BLMH: variants seen among roughly 807,000 people sequenced by gnomAD.
The protein encoded by BLMH is BLM hydrolase.
Under a neutral mutation model 61.6 loss-of-function variants are expected in BLMH, and 32 were observed. The observed-to-expected ratio is 0.52, with a 90% CI of 0.39 to 0.70. BLMH has a LOEUF of 0.70. Among genes scored for constraint, BLMH ranks in the 30% least tolerant of loss-of-function variants. The pLI, the probability that BLMH is intolerant of heterozygous loss-of-function variation, is 0.00. For synonymous variants in BLMH, 183 were observed against 193.8 expected (o/e 0.94, Z 0.46); for missense variants, 460 against 555.5 (o/e 0.83, Z 1.73).
At chr17:30,278,349 A>C (rs1468893257) in intron 6 of BLMH, among the ~76,000 whole-genome samples, 1 of 152,256 alleles carries the variant, frequency 6.6e-6, no homozygotes, top group Non-Finnish European at 1.5e-5. Flanking sequence ...AAATAAGAGT[A>C]CAACCATATC....
chr17:30,253,087 C>T (rs145659898), intron 11 of BLMH, among the ~76,000 whole-genome samples: 1 of 152,312 alleles, frequency 6.6e-6, no homozygotes, highest in East Asian at 1.9e-4. Flanking sequence ...CTGTTTGAGA[C>T]ATTAGTCGTC....
chr17:30,290,144 T>C (rs1426364676), intron 2 of BLMH, among the ~76,000 whole-genome samples: 3 of 152,256 alleles, frequency 2.0e-5, no homozygotes. Context: ...AGTTCGTCTT[T>C]ACCTTACATT....
chr17:30,268,367 A>C (rs977907259), intron 10 of BLMH, among the ~76,000 whole-genome samples: 1 of 152,180 alleles, frequency 6.6e-6, no homozygotes, highest in Non-Finnish European at 1.5e-5. Flanking sequence ...CAGCAACAAA[A>C]GAAAGAAAAT....
At chr17:30,267,443 C>CT (rs1313839362) in intron 10 of BLMH, among the ~76,000 whole-genome samples, 1 of 152,178 alleles carries the variant, frequency 6.6e-6, no homozygotes, top group Non-Finnish European at 1.5e-5. Flanking sequence ...ACTCATCATA[C>CT]TGCCTGATTT....
At position 30,257,341 on chromosome 17, in the gene BLMH, C is replaced by T. The variant is rs561328064; in HGVS notation, c.1217-8173G>A. 2.4e-3 allele frequency among the ~76,000 whole-genome samples: 362 copies of T among 152,176 alleles called. 2 individuals are homozygous for T. Among genetic ancestry groups the T allele is most frequent in the Middle Eastern group, 6.8e-3 (2 of 294 alleles). On this transcript the variant is annotated intron_variant, in intron 11 of 11. Transcript: ENST00000261714. Reference sequence around the variant, plus strand: ...CTGATGTACTGATAAGGAAATGTCCCCAAGATACGCTGTAAGTGAAGTGAG... The same window carrying T: ...CTGATGTACTGATAAGGAAATGTCCTCAAGATACGCTGTAAGTGAAGTGAG...
intron 11 of BLMH, among the ~76,000 whole-genome samples, chr17:30,262,556 A>G (rs975284744): frequency 1.2e-4 from 18 of 152,190 alleles, no homozygotes; most frequent in African/African-American, 3.6e-4. Context: ...GCACTTTGGG[A>G]GGCCGAGGTG....
chr17:30,281,274 CT>C (rs1394633304), intron 6 of BLMH, among the ~76,000 whole-genome samples: 1 of 151,956 alleles, frequency 6.6e-6, no homozygotes, highest in Non-Finnish European at 1.5e-5. Flanking sequence ...AAATAATGAT[CT>C]TGAGATTACT....
chr17:30,273,029 T>A, intron 7 of BLMH, 130 bp from the exon 8 acceptor site: 1 of 1,007,628 alleles, frequency 9.9e-7, no homozygotes, highest in Non-Finnish European at 1.5e-6. Context: ...TACAGCCACA[T>A]TGTTAAGTAA....
At chr17:30,268,184 C>T (rs774284087) in intron 10 of BLMH, among the ~76,000 whole-genome samples, 4 of 152,256 alleles carry the variant, frequency 2.6e-5, no homozygotes, top group East Asian at 1.9e-4. Context: ...CTGTTAGAAT[C>T]GATGTCACCT....
rs561717341 is a variant in BLMH, at chr17:30,285,106, T to A, written c.645+282A>T. ...CAGTGACTATGTCTTTCTCATCTGT[T>A]TCCTCAGTGCCAAACTCATAGAAGG... On this transcript the variant is annotated intron_variant, in intron 6 of 11. Transcript: ENST00000261714. Among the ~76,000 whole-genome samples the A allele has an allele frequency of 4.7e-4, 72 of 152,330 alleles. 1 individual carries two copies. Among genetic ancestry groups the A allele is most frequent in the African/African-American group, 1.7e-3 (71 of 41,566 alleles).
rs531841262 is a variant in BLMH, at chr17:30,283,518, C to CTTTT, written c.645+1866_645+1869dup. ...ACCTTCATTCCTACTATACCTCCAT[C>CTTTT]TTTTTTTTTTTTTTTTTTTTTGGAG... is the stretch of plus-strand genomic sequence containing the variant. On this transcript the variant is annotated intron_variant, in intron 6 of 11. Coordinates refer to ENST00000261714, the MANE Select transcript of BLMH (RefSeq NM_000386.4). Among the ~76,000 whole-genome samples, 8 of 127,044 alleles carry CTTTT rather than the reference C, an allele frequency of 6.3e-5. 1 individual carries two copies. Among genetic ancestry groups the CTTTT allele is most frequent in the African/African-American group, 1.2e-4 (4 of 32,352 alleles). The allele number at this position is 127,044 out of a possible 152,430, so 83.3% of individuals were successfully genotyped here.
rs1908356525 is a variant in BLMH, at chr17:30,274,208, G to A, written c.646-11C>T. The A allele has an allele frequency of 6.2e-7, 1 of 1,612,116 alleles. No homozygotes were observed. Among genetic ancestry groups the A allele is most frequent in the African/African-American group, 1.3e-5 (1 of 74,956 alleles). ...CACCACTCGGAATATCTGGAAGAGAGGAGGAGGAAAGGCGAGCAATGGTTA... is the reference window on the plus strand; with the variant it reads ...CACCACTCGGAATATCTGGAAGAGAAGAGGAGGAAAGGCGAGCAATGGTTA... On this transcript the variant is annotated splice_polypyrimidine_tract_variant and intron_variant, in intron 6 of 11. Coordinates refer to ENST00000261714, the MANE Select transcript of BLMH (RefSeq NM_000386.4).
chr17:30,269,308 G>C (rs1419455163), intron 10 of BLMH, among the ~76,000 whole-genome samples: 1 of 150,688 alleles, frequency 6.6e-6, no homozygotes, highest in Non-Finnish European at 1.5e-5. Flanking sequence ...CTCCAGAGTA[G>C]CTGCTGGAAT....
chr17:30,289,429 T>C lies in BLMH; in HGVS notation c.265A>G (p.Lys89Glu). Residue 89 changes from lysine (K) to glutamate (E), a missense_variant, in exon 3 of 12, where the codon AAG becomes GAG. By Grantham distance (56) the Lys-to-Glu change is moderately conservative. Transcript: ENST00000261714. ...LNVMRLPFMKKLNIEEFEFSQ... is the reference protein window; with the variant it reads ...LNVMRLPFMKELNIEEFEFSQ... ...AACTCAAATTCTTCAATATTTAACT[T>C]TTTCATGAATGGAAGCCTCATAACA... is the stretch of plus-strand genomic sequence containing the variant. The C allele has an allele frequency of 6.2e-7, 1 of 1,612,502 alleles. No homozygotes were observed. Among genetic ancestry groups the C allele is most frequent in the Non-Finnish European group, 8.5e-7 (1 of 1,179,150 alleles).
Position 30,266,947 on chromosome 17 carries a change from T to C in BLMH, c.1154A>G (p.Gln385Arg). 1 of 1,614,088 alleles carries C rather than the reference T, an allele frequency of 6.2e-7. No homozygotes were observed. Among genetic ancestry groups the C allele is most frequent in the East Asian group, 2.2e-5 (1 of 44,878 alleles). The change falls in exon 11 of 12, where the codon CAG becomes CGG. Residue 385 changes from glutamine (Q) to arginine (R), a missense_variant. Around this residue, in one of 5 missense-constraint regions of BLMH, gnomAD observed 310 missense variants for 371.1 expected, o/e 0.84. Coordinates refer to ENST00000261714, the MANE Select transcript of BLMH (RefSeq NM_000386.4). ...TFTAVSEKDD[Q>R]DGAFTKWRVE... ...TCTCCATTTTGTGAAAGCACCATCC[T>C]GATCATCCTGCAAAAAAGTGGATGA...
chr17:30,291,710 G>GC lies in BLMH; in HGVS notation c.13+96dup, dbSNP rs1256543714. On this transcript the variant is annotated intron_variant, in intron 1 of 11. Coordinates refer to ENST00000261714, the MANE Select transcript of BLMH (RefSeq NM_000386.4). Reference sequence around the variant, plus strand: ...CCCCGAAAGCTCCCTCCCCGCCATCGCCAAGGGTCCCAGCCCCCGGCCTTC... The same window carrying GC: ...CCCCGAAAGCTCCCTCCCCGCCATCGCCCAAGGGTCCCAGCCCCCGGCCTTC... The GC allele has an allele frequency of 3.5e-6, 5 of 1,410,464 alleles. No homozygotes were observed. In the East Asian group the frequency reaches 1.0e-4, roughly 29 times the overall value. 87.4% of individuals were successfully genotyped at this position (1,410,464 alleles called of 1,614,324 possible).
intron 10 of BLMH, among the ~76,000 whole-genome samples, chr17:30,268,824 G>C (rs1048229524): frequency 6.7e-6 from 1 of 149,962 alleles, no homozygotes; most frequent in Non-Finnish European, 1.5e-5. Context: ...ATTGCTTGAG[G>C]TCAGGAGTTC....
Position 30,291,911 on chromosome 17 carries a change from G to C in BLMH, c.-92C>G. The C allele has an allele frequency of 8.0e-7, 1 of 1,242,794 alleles. No individual in the cohort carries two copies. Among genetic ancestry groups the C allele is most frequent in the Non-Finnish European group, 1.0e-6 (1 of 983,636 alleles). 77.0% of individuals were successfully genotyped at this position (1,242,794 alleles called of 1,614,324 possible). On this transcript the variant is annotated 5_prime_UTR_variant, in exon 1 of 12. Transcript: ENST00000261714. Reference sequence around the variant, plus strand: ...CTGCGGCTCGCTGCCTAGGGGGCCCGACCTGTCTCTCGCACCCGGAGCGCC... The same window carrying C: ...CTGCGGCTCGCTGCCTAGGGGGCCCCACCTGTCTCTCGCACCCGGAGCGCC...
chr17:30,254,347 A>T (rs1907756915), intron 11 of BLMH, among the ~76,000 whole-genome samples: 1 of 152,182 alleles, frequency 6.6e-6, no homozygotes, highest in African/African-American at 2.4e-5. Context: ...CCAATCTTTC[A>T]CCTGGCAGCT....
Sources: gnomAD v4.1 joint callset for allele counts (sites outside exome capture counted in the v4.1 genomes callset) on GRCh38, gnomAD v4.1.1 for gene constraint, gnomAD v4.1.1 regional missense constraint, MANE v1.5 for transcripts, NCBI Gene and HGNC (gene_info 2026-07-23, HGNC 2026-07-21) for gene names.